The following GRIP1 variants were observed in gnomAD, a reference collection of about 807,000 sequenced individuals.
GRIP1 encodes the protein glutamate receptor interacting protein 1.
In GRIP1, 45 loss-of-function variants were observed where a neutral mutation model predicts 129.9. The observed-to-expected ratio is 0.35, with a 90% CI of 0.27 to 0.44. GRIP1 has a LOEUF of 0.44. GRIP1 is among the 20% of genes least tolerant of loss of function. GRIP1 has a pLI of 1.00. For synonymous variants in GRIP1, 530 were observed against 520.8 expected (o/e 1.02, Z -0.24); for missense variants, 1,196 against 1,396.8 (o/e 0.86, Z 2.29).
chr12:66,701,872 C>G (rs2035365191), intron 1 of GRIP1, among the ~76,000 whole-genome samples: 1 of 152,184 alleles, frequency 6.6e-6, no homozygotes, highest in Admixed American at 6.6e-5. Context: ...ACAATGATTA[C>G]TTTTGCAGTA....
intron 23 of GRIP1, among the ~76,000 whole-genome samples, chr12:66,362,167 T>TA (rs964390921): frequency 2.7e-5 from 3 of 110,506 alleles, no homozygotes; most frequent in Admixed American, 9.8e-5. Context: ...TTTTTTTTTT[T>TA]AATGAGACAG....
At chr12:66,856,197 C>T (rs1315663858) in intron 1 of GRIP1, among the ~76,000 whole-genome samples, 2 of 152,084 alleles carry the variant, frequency 1.3e-5, no homozygotes, top group African/African-American at 4.8e-5. Context: ...GGATCCCTTC[C>T]TTACACCTTA....
chr12:67,012,425 G>A (rs1441505224), intron 1 of GRIP1, among the ~76,000 whole-genome samples: 1 of 152,124 alleles, frequency 6.6e-6, no homozygotes, highest in Non-Finnish European at 1.5e-5. Context: ...GAGTGTTCTA[G>A]GACAAACTTT....
rs796876517 is a variant in GRIP1 at position 66,406,110 on chromosome 12, T to C, written c.1984+173A>G. ...TTAATGATATCATTTACAAGCACCA[T>C]TATTTAAAATTTGTACTACACTCTC... On this transcript the variant is annotated intron_variant, in intron 16 of 24. Coordinates refer to ENST00000359742, the MANE Select transcript of GRIP1 (RefSeq NM_001366722.1). Among the ~76,000 whole-genome samples the C allele has an allele frequency of 7.2e-4, 109 of 152,348 alleles. 1 individual carries two copies. Among genetic ancestry groups the C allele is most frequent in the African/African-American group, 2.4e-3 (101 of 41,578 alleles).
At chr12:66,714,709 C>T (rs1227878237) in intron 1 of GRIP1, among the ~76,000 whole-genome samples, 5 of 152,078 alleles carry the variant, frequency 3.3e-5, no homozygotes, top group South Asian at 4.2e-4. Context: ...TTGATGAGTA[C>T]TTATTATGAT....
At chr12:66,538,018 C>T (rs1179099091) in intron 4 of GRIP1, among the ~76,000 whole-genome samples, 1 of 152,122 alleles carries the variant, frequency 6.6e-6, no homozygotes, top group Non-Finnish European at 1.5e-5. Context: ...ATTAAGTAGA[C>T]AATTCCAGAA....
intron 1 of GRIP1, among the ~76,000 whole-genome samples, chr12:66,625,788 G>C (rs2029943365): frequency 6.6e-6 from 1 of 152,102 alleles, no homozygotes; most frequent in Admixed American, 6.6e-5. Context: ...TGAGAAGTTT[G>C]ATAAAAATAT....
chr12:66,866,704 T>C (rs2040211039), intron 1 of GRIP1, among the ~76,000 whole-genome samples: 1 of 152,174 alleles, frequency 6.6e-6, no homozygotes, highest in African/African-American at 2.4e-5. Flanking sequence ...TGCATGCCTG[T>C]ATCAAAACAT....
intron 1 of GRIP1, among the ~76,000 whole-genome samples, chr12:66,769,395 C>A (rs769570685): frequency 5.3e-5 from 8 of 152,050 alleles, no homozygotes; most frequent in South Asian, 4.2e-4. Flanking sequence ...AGTTTGAGAA[C>A]CACTGTTTTA....
intron 1 of GRIP1, among the ~76,000 whole-genome samples, chr12:66,777,325 C>G (rs2038013513): frequency 6.6e-6 from 1 of 152,124 alleles, no homozygotes; most frequent in Non-Finnish European, 1.5e-5. Flanking sequence ...CTGCCCTCCT[C>G]CTCTTGGAAC....
At chr12:66,620,820 G>C (rs1303780068) in intron 1 of GRIP1, among the ~76,000 whole-genome samples, 1 of 151,770 alleles carries the variant, frequency 6.6e-6, no homozygotes, top group African/African-American at 2.4e-5. Flanking sequence ...GGAGGAGGGG[G>C]AAGAGTGGTG....
At chr12:66,877,097 G>C (rs1314291922) in intron 1 of GRIP1, among the ~76,000 whole-genome samples, 1 of 151,896 alleles carries the variant, frequency 6.6e-6, no homozygotes, top group Admixed American at 6.6e-5. Context: ...GTTACCATCT[G>C]GGAAAATCAT....
chr12:66,786,549 A>G (rs1259588963), intron 1 of GRIP1, among the ~76,000 whole-genome samples: 1 of 152,174 alleles, frequency 6.6e-6, no homozygotes, highest in Non-Finnish European at 1.5e-5. Flanking sequence ...GACACTGACT[A>G]TGGTCTGCTT....
intron 1 of GRIP1, among the ~76,000 whole-genome samples, chr12:66,756,070 T>A (rs1056403519): frequency 6.6e-6 from 1 of 152,170 alleles, no homozygotes; most frequent in East Asian, 1.9e-4. Context: ...CATCTTAACC[T>A]TATTTAAGTG....
chr12:67,026,348 GA>G (rs933841798), intron 1 of GRIP1, among the ~76,000 whole-genome samples: 52 of 152,162 alleles, frequency 3.4e-4, no homozygotes, highest in African/African-American at 1.1e-3. Flanking sequence ...CTTTTGTTGG[GA>G]AAATTTTTTC....
intron 1 of GRIP1, among the ~76,000 whole-genome samples, chr12:66,655,371 G>A (rs186866609): frequency 5.6e-4 from 85 of 152,130 alleles, no homozygotes; most frequent in Admixed American, 1.4e-3. Flanking sequence ...AAAGGGTACC[G>A]AGATTTCCCA....
chr12:66,889,928 T>G (rs2040629678), intron 1 of GRIP1, among the ~76,000 whole-genome samples: 1 of 152,044 alleles, frequency 6.6e-6, no homozygotes, highest in South Asian at 2.1e-4. Flanking sequence ...CTGTTTTTTT[T>G]TGTTTTTTGT....
chr12:66,927,042 G>C (rs887651656), intron 1 of GRIP1, among the ~76,000 whole-genome samples: 1 of 152,106 alleles, frequency 6.6e-6, no homozygotes, highest in African/African-American at 2.4e-5. Flanking sequence ...GGGCTTCTAC[G>C]ACATAGACAC....
At chr12:66,420,579 A>G in intron 15 of GRIP1, 141 bp downstream of exon 15, 1 of 680,928 alleles carries the variant, frequency 1.5e-6, no homozygotes, top group Non-Finnish European at 2.7e-6. Context: ...GATGTCAAAT[A>G]TGATCAATTA....
Sources: gnomAD v4.1 joint callset for allele counts (sites outside exome capture counted in the v4.1 genomes callset) on GRCh38, gnomAD v4.1.1 for gene constraint, MANE v1.5 for transcripts, NCBI Gene and HGNC (gene_info 2026-07-23, HGNC 2026-07-21) for gene names.